GHRH: variants seen among roughly 807,000 people sequenced by gnomAD.
The protein encoded by GHRH is somatoliberin.
A neutral mutation model predicts 15.6 loss-of-function variants in GHRH; 7 were observed. The observed-to-expected ratio is 0.45, with a 90% CI of 0.26 to 0.84. The LOEUF (loss-of-function observed/expected upper bound fraction) is 0.84, where lower values mean the gene tolerates loss of function less well. Among genes scored for constraint, GHRH ranks in the 40% least tolerant of loss-of-function variants. The pLI is 0.18. For synonymous variants in GHRH, 54 were observed against 50.4 expected, an observed-to-expected ratio of 1.07 and a Z score of -0.30; for missense variants, 117 against 138.0, an observed-to-expected ratio of 0.85 and a Z score of 0.76.
In GHRH at chr20:37,258,926, G is replaced by C. The variant is rs1022035189; in HGVS notation, c.-19-2018C>G. Among the ~76,000 whole-genome samples the C allele has an allele frequency of 6.6e-6, 1 of 152,108 alleles. No individual in the cohort carries two copies. The highest frequency in any genetic ancestry group is 2.4e-5 in the African/African-American group (1 of 41,414). ...AGCTAATTTTGAAATTTTTTGTAAAGATAAAGTCTCACTATATTGCCGAGG... is the reference window on the plus strand; with the variant it reads ...AGCTAATTTTGAAATTTTTTGTAAACATAAAGTCTCACTATATTGCCGAGG... On this transcript the variant is annotated intron_variant, in intron 1 of 4. Transcript: ENST00000373614. This position sits in a 1 kb window ranked among gnomAD's most constrained non-coding sequence, Gnocchi z 4.1.
At chr20:37,259,074 C>T (rs2068673801) in intron 1 of GHRH, among the ~76,000 whole-genome samples, 1 of 152,182 alleles carries the variant, frequency 6.6e-6, no homozygotes, top group African/African-American at 2.4e-5. Context: ...TTTGTCTCAC[C>T]ATGTCAAGCC....
rs566789654 is a variant in GHRH, at chr20:37,259,083, C to A, written c.-19-2175G>T. Among the ~76,000 whole-genome samples, 19 of 152,290 alleles carry A rather than the reference C, an allele frequency of 1.2e-4. No individual in the cohort carries two copies. In the South Asian group the frequency reaches 3.7e-3, roughly 30 times the overall value. On this transcript the variant is annotated intron_variant, in intron 1 of 4. Transcript: ENST00000373614. ...AGGAAGTTTGTCTCACCATGTCAAG[C>A]CCAAATCTCCTTCTCCTGCAAATGT...
At chr20:37,253,833 C>T (rs1282498488) in intron 4 of GHRH, among the ~76,000 whole-genome samples, 1 of 152,222 alleles carries the variant, frequency 6.6e-6, no homozygotes, top group Middle Eastern at 3.2e-3. Flanking sequence ...TCACTGCAAC[C>T]TCCGCCTCCC....
chr20:37,253,867 C>A (rs554049256), intron 4 of GHRH, among the ~76,000 whole-genome samples: 1 of 152,346 alleles, frequency 6.6e-6, no homozygotes, highest in African/African-American at 2.4e-5. Context: ...TCTCCTGCCT[C>A]AGCCTCCCGA....
intron 4 of GHRH, among the ~76,000 whole-genome samples, chr20:37,252,447 C>G (rs1438814633): frequency 6.6e-6 from 1 of 152,214 alleles, no homozygotes; most frequent in African/African-American, 2.4e-5. Context: ...CAGAGCCACA[C>G]TGGGACCTGC....
chr20:37,254,520 C>T (rs934561057), intron 3 of GHRH, among the ~76,000 whole-genome samples, 191 bp from the exon 4 acceptor site: 11 of 152,120 alleles, frequency 7.2e-5, no homozygotes, highest in Non-Finnish European at 1.5e-4. Context: ...AGTTGCAAAA[C>T]GTCTCCCCAC....
At chr20:37,255,462 C>T (rs151088827) in intron 3 of GHRH, among the ~76,000 whole-genome samples, 1,525 of 151,448 alleles carry the variant, frequency 0.01, 27 homozygotes, top group African/African-American at 0.034. Flanking sequence ...AGATCGAGAC[C>T]GTCCTGGCTA....
chr20:37,251,139 G>T lies in GHRH; in HGVS notation c.*74C>A. On this transcript the variant is annotated 3_prime_UTR_variant, in exon 5 of 5. Coordinates refer to ENST00000373614, the MANE Select transcript of GHRH (RefSeq NM_021081.6). Reference sequence around the variant, plus strand: ...TTATTGTATTTTCAAAGGAAAAAGTGGGTCAGAAATGAGAGGATTAACTGG... The same window carrying T: ...TTATTGTATTTTCAAAGGAAAAAGTTGGTCAGAAATGAGAGGATTAACTGG... 1.0e-6 allele frequency: 1 copy of T among 1,003,100 alleles called. No homozygotes were observed. The highest frequency in any genetic ancestry group is 1.5e-6 in the Non-Finnish European group (1 of 671,742). 62.1% of individuals were successfully genotyped at this position (1,003,100 alleles called of 1,614,324 possible).
chr20:37,256,447 C>T lies in GHRH; in HGVS notation c.135G>A (p.Leu45=), dbSNP rs754297738. 1.2e-6 allele frequency: 2 copies of T among 1,613,658 alleles called. No individual in the cohort carries two copies. Among genetic ancestry groups the T allele is most frequent in the South Asian group, 2.2e-5 (2 of 91,042 alleles). Residue 45 remains leucine, a synonymous_variant, in exon 3 of 5, where the codon CTG becomes CTA. Coordinates refer to ENST00000373614, the MANE Select transcript of GHRH (RefSeq NM_021081.6). Reference sequence around the variant, plus strand: ...GCAGCTTGCGGGCGGACAGCTGGCCCAGCACCTTCCGGTAGCTGTTGGTGA... The same window carrying T: ...GCAGCTTGCGGGCGGACAGCTGGCCTAGCACCTTCCGGTAGCTGTTGGTGA... ...AIFTNSYRKV[L]GQLSARKLLQ... is the part of the protein sequence containing the mutation.
At chr20:37,256,252 C>A (rs1335237826) in intron 3 of GHRH, 142 bp downstream of exon 3, 3 of 560,752 alleles carry the variant, frequency 5.3e-6, no homozygotes, top group East Asian at 6.0e-5. Context: ...AACGCTGGAA[C>A]CCTTTTGCTA....
Position 37,256,453 on chromosome 20 carries a change from C to T in GHRH, c.129G>A (p.Lys43=), listed in dbSNP as rs762233133. 3.1e-6 allele frequency: 5 copies of T among 1,613,426 alleles called. No homozygotes were observed. Among genetic ancestry groups the T allele is most frequent in the Non-Finnish European group, 4.2e-6 (5 of 1,179,816 alleles). ...TGCGGGCGGACAGCTGGCCCAGCACCTTCCGGTAGCTGTTGGTGAAGATGG... is the reference window on the plus strand; with the variant it reads ...TGCGGGCGGACAGCTGGCCCAGCACTTTCCGGTAGCTGTTGGTGAAGATGG... ...ADAIFTNSYR[K]VLGQLSARKL... is the part of the protein sequence containing the mutation. The change falls in exon 3 of 5, where the codon AAG becomes AAA. Residue 43 remains lysine (K), a synonymous_variant. Coordinates refer to ENST00000373614, the MANE Select transcript of GHRH (RefSeq NM_021081.6).
At chr20:37,261,355 G>T (rs1444605021) in intron 1 of GHRH, among the ~76,000 whole-genome samples, 2 of 152,224 alleles carry the variant, frequency 1.3e-5, no homozygotes, top group African/African-American at 4.8e-5. Context: ...TCAATGAGCA[G>T]TATTGATTTG....
At chr20:37,252,193 C>T (rs1600869363) in intron 4 of GHRH, among the ~76,000 whole-genome samples, 1 of 151,618 alleles carries the variant, frequency 6.6e-6, no homozygotes, top group East Asian at 1.9e-4. Flanking sequence ...TTCACAGAGT[C>T]GAAACGAAGA....
chr20:37,256,327 G>T (rs890405884), intron 3 of GHRH, 67 bp downstream of exon 3: 15 of 996,114 alleles, frequency 1.5e-5, no homozygotes, highest in Non-Finnish European at 2.1e-5. Context: ...CTGGTCCCCT[G>T]TAGGGAACAA....
chr20:37,256,348 A>T, intron 3 of GHRH, 46 bp downstream of exon 3: 1 of 1,229,244 alleles, frequency 8.1e-7, no homozygotes, highest in Non-Finnish European at 1.2e-6. Context: ...GCTCCTGCAG[A>T]CTCTGCTGCA....
chr20:37,256,768 G>T, intron 2 of GHRH, 39 bp downstream of exon 2: 1 of 1,490,406 alleles, frequency 6.7e-7, no homozygotes, highest in Non-Finnish European at 9.3e-7. Flanking sequence ...GGCAGGGATG[G>T]CTTGGGAGTG....
intron 4 of GHRH, 35 bp downstream of exon 4, chr20:37,254,175 A>C (rs2068640681): frequency 6.2e-7 from 1 of 1,612,590 alleles, no homozygotes; most frequent in Non-Finnish European, 8.5e-7. Flanking sequence ...GAAGCCCTGA[A>C]GTCCCTAGAT....
At position 37,254,312 on chromosome 20, in the gene GHRH, C is replaced by T. The variant is rs772982296; in HGVS notation, c.206G>A (p.Arg69Gln). 19 of 1,614,034 alleles carry T rather than the reference C, an allele frequency of 1.2e-5. No individual in the cohort carries two copies. Among genetic ancestry groups the T allele is most frequent in the Admixed American group, 6.7e-5 (4 of 60,008 alleles). Reference sequence around the variant, plus strand: ...ACGACCAAGCCGTGCCCTTGCTCCTCGCTCTTGGTTGCTCTCTCTGTGTGG... The same window carrying T: ...ACGACCAAGCCGTGCCCTTGCTCCTTGCTCTTGGTTGCTCTCTCTGTGTGG... ...SRQQGESNQE[R>Q]GARARLGRQV... Residue 69 changes from arginine (R) to glutamine (Q), a missense_variant, in exon 4 of 5, where the codon CGA becomes CAA. Coordinates refer to ENST00000373614, the MANE Select transcript of GHRH (RefSeq NM_021081.6).
chr20:37,253,070 G>GT (rs1463839650), intron 4 of GHRH, among the ~76,000 whole-genome samples: 1 of 152,218 alleles, frequency 6.6e-6, no homozygotes, highest in African/African-American at 2.4e-5. Flanking sequence ...CCCCAGCAGA[G>GT]TTTCTCCAAA....
Sources: gnomAD v4.1 joint callset for allele counts (sites outside exome capture counted in the v4.1 genomes callset) on GRCh38, gnomAD v4.1.1 for gene constraint, Gnocchi (gnomAD v3.1) non-coding constraint, MANE v1.5 for transcripts, NCBI Gene and HGNC (gene_info 2026-07-23, HGNC 2026-07-21) for gene names.